The following LYSMD2 variants were observed in gnomAD, a reference collection of about 807,000 sequenced individuals.
The protein encoded by LYSMD2 is lysM and putative peptidoglycan-binding domain-containing protein 2.
In LYSMD2, 6 loss-of-function variants were observed where a neutral mutation model predicts 17.7. The ratio of observed to expected loss-of-function variants is 0.34; its 90% confidence interval spans 0.19 to 0.67. LYSMD2 has a LOEUF of 0.67. Among genes scored for constraint, LYSMD2 ranks in the 30% least tolerant of loss-of-function variants. The pLI is 0.69. For missense variants in LYSMD2, 237 were observed against 286.7 expected, an observed-to-expected ratio of 0.83 and a Z score of 1.25; for synonymous variants, 102 against 129.8, an observed-to-expected ratio of 0.79 and a Z score of 1.45.
At chr15:51,736,355 G>A (rs576765518) in intron 1 of LYSMD2, among the ~76,000 whole-genome samples, 61 of 152,300 alleles carry the variant, frequency 4.0e-4, no homozygotes, top group African/African-American at 1.3e-3. Flanking sequence ...TGGCATGATA[G>A]AGTCAATACA....
At chr15:51,737,791 GCC>G (rs1013431117), upstream of LYSMD2, 5 of 434,386 alleles carry the variant, frequency 1.2e-5, no homozygotes, top group African/African-American at 8.3e-5. This position sits in a 1 kb window ranked among gnomAD's most constrained non-coding sequence, Gnocchi z 4.2. Context: ...CATGGCGGGC[GCC>G]TCCTCCTCTG....
chr15:51,741,196 G>A (rs572801736), upstream of LYSMD2, among the ~76,000 whole-genome samples: 51 of 152,182 alleles, frequency 3.4e-4, no homozygotes, highest in Admixed American at 1.3e-3. Flanking sequence ...ACATAACAAA[G>A]GGACAAGGAA....
At position 51,737,568 on chromosome 15, in the gene LYSMD2, G is replaced by A; in HGVS notation, c.55C>T (p.Arg19Trp). ...SLREGGPRAP[R>W]PSAPSPPPRS... ...GGCGGCGGCGAGGGGGCCGAGGGCC[G>A]CGGCGCGCGGGGGCCGCCTTCCCGC... Residue 19 changes from arginine (R) to tryptophan (W), a missense_variant, in exon 1 of 3, where the codon CGG (arginine) becomes TGG (tryptophan). By Grantham distance (101) the Arg-to-Trp change is moderately radical (BLOSUM62 -3). Transcript: ENST00000267838. The surrounding 1 kb of genome is among the most constrained non-coding windows in gnomAD (Gnocchi z 4.2). The A allele has an allele frequency of 1.6e-6, 2 of 1,220,044 alleles. No homozygotes were observed. The highest frequency in any genetic ancestry group is 2.0e-6 in the Non-Finnish European group (2 of 982,392). The allele number at this position is 1,220,044 out of a possible 1,614,324, so 75.6% of individuals were successfully genotyped here.
Position 51,737,431 on chromosome 15 carries a change from G to T in LYSMD2, c.192C>A (p.Ala64=). The change falls in exon 1 of 3, where the codon GCC becomes GCA. Residue 64 remains alanine, a synonymous_variant. Transcript: ENST00000267838. This position sits in a 1 kb window ranked among gnomAD's most constrained non-coding sequence, Gnocchi z 4.2. ...GCTCCACATGGCGCTCGATGACGCC[G>T]GCGCCCAGCGGCGCCCGCACGCTGG... ...STASVRAPLG[A]GVIERHVEHR... 7.0e-7 allele frequency: 1 copy of T among 1,433,654 alleles called. No homozygotes were observed. The highest frequency in any genetic ancestry group is 9.1e-7 in the Non-Finnish European group (1 of 1,097,374). The allele number at this position is 1,433,654 out of a possible 1,614,324, so 88.8% of individuals were successfully genotyped here. A position where few individuals can be genotyped will look rare whatever the true frequency, so the allele number is the denominator to read the frequency against.
intron 1 of LYSMD2, among the ~76,000 whole-genome samples, chr15:51,748,017 G>A (rs982091596): frequency 2.0e-5 from 3 of 151,938 alleles, no homozygotes; most frequent in African/African-American, 4.8e-5. Flanking sequence ...TCACGCCTGT[G>A]ATCCCAGCAC....
At position 51,750,151 on chromosome 15, in the gene LYSMD2, C is replaced by T. The variant is rs565143507; in HGVS notation, c.-1+1120G>A. 2.0e-5 allele frequency among the ~76,000 whole-genome samples: 3 copies of T among 152,336 alleles called. No homozygotes were observed. In the South Asian group the frequency reaches 6.2e-4, roughly 32 times the overall value. On this transcript the variant is annotated intron_variant, in intron 1 of 2. Coordinates refer to the LYSMD2 transcript ENST00000454181. ...AAGGAGAGAAGACAGGCTTACTGAA[C>T]ACCCCTATGACCTTGAATAAGTCAC... is the stretch of plus-strand genomic sequence containing the variant.
chr15:51,737,327 C>A lies in LYSMD2; in HGVS notation c.273+23G>T. On this transcript the variant is annotated intron_variant, in intron 1 of 2. Transcript: ENST00000267838. The surrounding 1 kb of genome is among the most constrained non-coding windows in gnomAD (Gnocchi z 4.2). The stretch of plus-strand genomic sequence containing the variant: ...CCTGCGCGGTAGCTGCCAGCCCGGG[C>A]CGCGGCGGCGCGCCCTGCTCACCGT... 7.8e-7 allele frequency: 1 copy of A among 1,286,110 alleles called. No homozygotes were observed. The highest frequency in any genetic ancestry group is 3.9e-5 in the Admixed American group (1 of 25,412). The allele number at this position is 1,286,110 out of a possible 1,614,324, so 79.7% of individuals were successfully genotyped here.
Position 51,723,466 on chromosome 15 carries a change from G to T in LYSMD2, c.*141C>A. ...GGGAACTAATCACTTCAGTGCAACT[G>T]CAGCAGGTAGAACTACCTAGTTATG... On this transcript the variant is annotated 3_prime_UTR_variant, in exon 3 of 3. Coordinates refer to ENST00000267838, the MANE Select transcript of LYSMD2 (RefSeq NM_153374.3). 1.4e-6 allele frequency: 1 copy of T among 698,004 alleles called. No individual in the cohort carries two copies. The highest frequency in any genetic ancestry group is 2.6e-6 in the Non-Finnish European group (1 of 389,196). The allele number at this position is 698,004 out of a possible 1,614,324, so 43.2% of individuals were successfully genotyped here. A position where few individuals can be genotyped will look rare whatever the true frequency, so the allele number is the denominator to read the frequency against.
intron 1 of LYSMD2, among the ~76,000 whole-genome samples, chr15:51,729,793 G>A (rs1398950705): frequency 6.6e-6 from 1 of 152,234 alleles, no homozygotes; most frequent in African/African-American, 2.4e-5. Flanking sequence ...TCTGAACGTA[G>A]CTGGGTCTAC....
At chr15:51,739,275 T>A (rs1567230138), upstream of LYSMD2, among the ~76,000 whole-genome samples, 1 of 152,308 alleles carries the variant, frequency 6.6e-6, no homozygotes, top group East Asian at 1.9e-4. Context: ...AAATACGTGC[T>A]CCTGGGAGGC....
upstream of LYSMD2, chr15:51,737,714 G>C: frequency 1.0e-6 from 1 of 967,364 alleles, no homozygotes; most frequent in East Asian, 3.8e-5. The surrounding 1 kb of genome is among the most constrained non-coding windows in gnomAD (Gnocchi z 4.2). Context: ...CCTCTTCACA[G>C]GGGCTGCAGC....
chr15:51,731,036 T>G (rs2055573335), intron 1 of LYSMD2, among the ~76,000 whole-genome samples: 1 of 152,190 alleles, frequency 6.6e-6, no homozygotes, highest in Admixed American at 6.5e-5. Flanking sequence ...AAGGCAAATC[T>G]ATAGATTAGA....
chr15:51,745,493 C>A (rs2055662753), intron 1 of LYSMD2, among the ~76,000 whole-genome samples: 1 of 152,062 alleles, frequency 6.6e-6, no homozygotes, highest in South Asian at 2.1e-4. Flanking sequence ...AAGGGAAAAA[C>A]AACCCACAGG....
intron 1 of LYSMD2, among the ~76,000 whole-genome samples, chr15:51,744,024 G>T (rs1260707712): frequency 6.6e-6 from 1 of 151,788 alleles, no homozygotes; most frequent in African/African-American, 2.4e-5. Context: ...GTTTTAGGAG[G>T]GTTTTGAAGT....
At chr15:51,745,142 G>A (rs1009254531) in intron 1 of LYSMD2, among the ~76,000 whole-genome samples, 1 of 152,018 alleles carries the variant, frequency 6.6e-6, no homozygotes, top group African/African-American at 2.4e-5. Context: ...ACAAAGAAAA[G>A]CCAAGACCTA....
chr15:51,746,855 G>A (rs566324771), intron 1 of LYSMD2, among the ~76,000 whole-genome samples: 1 of 151,996 alleles, frequency 6.6e-6, no homozygotes, highest in East Asian at 1.9e-4. Context: ...AAATAATCAT[G>A]ATACTGTTGT....
chr15:51,736,603 G>A (rs1203126360), intron 1 of LYSMD2, among the ~76,000 whole-genome samples: 1 of 152,162 alleles, frequency 6.6e-6, no homozygotes, highest in Admixed American at 6.5e-5. Flanking sequence ...GATCCCAAAT[G>A]TAAAAAGGCC....
At chr15:51,734,690 G>C (rs572278546) in intron 1 of LYSMD2, among the ~76,000 whole-genome samples, 3 of 152,346 alleles carry the variant, frequency 2.0e-5, no homozygotes, top group Admixed American at 6.5e-5. Flanking sequence ...GCACTGCCTT[G>C]AGTCTCTAAG....
intron 1 of LYSMD2, among the ~76,000 whole-genome samples, chr15:51,736,311 T>C (rs777470294): frequency 1.3e-5 from 2 of 152,302 alleles, no homozygotes; most frequent in East Asian, 1.9e-4. Flanking sequence ...TTCACATGTA[T>C]AGAACTCCCA....
Sources: gnomAD v4.1 joint callset for allele counts (sites outside exome capture counted in the v4.1 genomes callset) on GRCh38, gnomAD v4.1.1 for gene constraint, Gnocchi (gnomAD v3.1) non-coding constraint, MANE v1.5 for transcripts, NCBI Gene and HGNC (gene_info 2026-07-23, HGNC 2026-07-21) for gene names.